The following LRRC4C variants were observed in gnomAD, a reference collection of about 807,000 sequenced individuals.
The protein encoded by LRRC4C is leucine-rich repeat-containing protein 4C.
LRRC4C carries 5 observed loss-of-function variants against 33.6 expected under a neutral mutation model. That is an observed-to-expected ratio of 0.15 (90% CI 0.08 to 0.31). LRRC4C has a LOEUF of 0.31. LRRC4C is among the 10% of genes least tolerant of loss of function. LRRC4C has a pLI of 1.00. For missense variants in LRRC4C, 560 were observed against 796.7 expected (o/e 0.70, Z 3.58); for synonymous variants, 329 against 302.0 (o/e 1.09, Z -0.93).
intron 4 of LRRC4C, among the ~76,000 whole-genome samples, chr11:40,303,328 G>A (rs1226392206): frequency 1.3e-5 from 2 of 152,112 alleles, no homozygotes; most frequent in African/African-American, 4.8e-5. Context: ...GTGTGCATGT[G>A]AGATATTCTA....
chr11:41,034,800 T>C (rs1856963728), intron 1 of LRRC4C, among the ~76,000 whole-genome samples: 1 of 149,878 alleles, frequency 6.7e-6, no homozygotes, highest in African/African-American at 2.4e-5. Context: ...AGTTTCTATA[T>C]TGGAAAAATA....
intron 2 of LRRC4C, among the ~76,000 whole-genome samples, chr11:40,751,428 C>A (rs559247439): frequency 6.6e-5 from 10 of 152,040 alleles, no homozygotes; most frequent in South Asian, 2.1e-4. Context: ...TTGAAGGATA[C>A]AAAGTTAACA....
chr11:40,517,747 A>AGG (rs1565466261), intron 3 of LRRC4C, among the ~76,000 whole-genome samples: 26 of 146,102 alleles, frequency 1.8e-4, no homozygotes, highest in Middle Eastern at 3.4e-3. Flanking sequence ...TTGGGGGGAA[A>AGG]AAAAAAAAAC....
intron 3 of LRRC4C, among the ~76,000 whole-genome samples, chr11:40,571,128 T>C (rs1026155032): frequency 1.3e-5 from 2 of 152,092 alleles, no homozygotes; most frequent in Non-Finnish European, 2.9e-5. Context: ...ATTGCATTAA[T>C]GGTAGTAATT....
At chr11:40,931,098 C>T (rs1181276894) in intron 2 of LRRC4C, among the ~76,000 whole-genome samples, 1 of 151,992 alleles carries the variant, frequency 6.6e-6, no homozygotes, top group Non-Finnish European at 1.5e-5. Flanking sequence ...AATCTCAGAC[C>T]TGGGGCAAAT....
At chr11:41,381,652 A>G (rs991453068) in intron 1 of LRRC4C, among the ~76,000 whole-genome samples, 4 of 151,324 alleles carry the variant, frequency 2.6e-5, no homozygotes, top group Admixed American at 2.6e-4. Flanking sequence ...AAAAAGAAAG[A>G]TGGAAAAAAG....
chr11:40,964,905 C>G (rs1242916189), intron 1 of LRRC4C, among the ~76,000 whole-genome samples: 1 of 152,004 alleles, frequency 6.6e-6, no homozygotes, highest in East Asian at 1.9e-4. Context: ...ATGGCTGGGT[C>G]AAATGGTATT....
At chr11:41,271,730 TG>T (rs879875968) in intron 1 of LRRC4C, among the ~76,000 whole-genome samples, 2 of 152,170 alleles carry the variant, frequency 1.3e-5, no homozygotes, top group Non-Finnish European at 2.9e-5. Flanking sequence ...GGAATTGTTT[TG>T]CTTGTCACTC....
intron 1 of LRRC4C, among the ~76,000 whole-genome samples, chr11:41,396,106 C>A (rs1383272727): frequency 1.3e-5 from 2 of 152,062 alleles, no homozygotes; most frequent in African/African-American, 4.8e-5. Context: ...AAGACAAATT[C>A]TTCTTCCAAT....
At chr11:41,419,875 A>G (rs893642323) in intron 1 of LRRC4C, among the ~76,000 whole-genome samples, 2 of 151,852 alleles carry the variant, frequency 1.3e-5, no homozygotes, top group African/African-American at 2.4e-5. Flanking sequence ...CTGCCATACT[A>G]TGAAACTCCC....
chr11:40,254,790 A>T (rs916709842), intron 4 of LRRC4C, among the ~76,000 whole-genome samples: 2 of 152,102 alleles, frequency 1.3e-5, no homozygotes, highest in African/African-American at 4.8e-5. Context: ...CAATCAAAAA[A>T]TGAGTAAGCT....
intron 1 of LRRC4C, among the ~76,000 whole-genome samples, chr11:41,055,452 T>A (rs1858549712): frequency 6.6e-6 from 1 of 152,242 alleles, no homozygotes; most frequent in African/African-American, 2.4e-5. Context: ...AGCATACAGG[T>A]AGTGTAAAAG....
At chr11:40,928,688 A>G (rs1957491421) in intron 2 of LRRC4C, among the ~76,000 whole-genome samples, 1 of 152,160 alleles carries the variant, frequency 6.6e-6, no homozygotes, top group East Asian at 1.9e-4. Flanking sequence ...TTAAATTACT[A>G]AAATCATTTA....
chr11:41,299,941 T>C (rs1395876312), intron 1 of LRRC4C, among the ~76,000 whole-genome samples: 3 of 152,100 alleles, frequency 2.0e-5, no homozygotes, highest in African/African-American at 4.8e-5. Context: ...CTGGTTCAAT[T>C]AGGTATCAGT....
chr11:40,545,107 T>C (rs1956862282), intron 3 of LRRC4C, among the ~76,000 whole-genome samples: 1 of 151,958 alleles, frequency 6.6e-6, no homozygotes, highest in South Asian at 2.1e-4. Flanking sequence ...CCTCCCATCA[T>C]CACCCAAGCA....
chr11:40,952,122 A>C (rs1958719087), intron 1 of LRRC4C, among the ~76,000 whole-genome samples: 1 of 151,964 alleles, frequency 6.6e-6, no homozygotes, highest in African/African-American at 2.4e-5. Flanking sequence ...GGCATCTTAC[A>C]AGGTGAACAT....
intron 3 of LRRC4C, among the ~76,000 whole-genome samples, chr11:40,631,631 G>A (rs1963486314): frequency 1.3e-5 from 2 of 152,094 alleles, no homozygotes; most frequent in East Asian, 3.9e-4. Flanking sequence ...CCTGACACAT[G>A]ATAGGTTGCC....
At chr11:41,183,466 G>A (rs1945546333) in intron 1 of LRRC4C, among the ~76,000 whole-genome samples, 1 of 152,166 alleles carries the variant, frequency 6.6e-6, no homozygotes, top group Admixed American at 6.5e-5. Context: ...CTGAAATCCA[G>A]CGGGTCAGTC....
intron 3 of LRRC4C, among the ~76,000 whole-genome samples, chr11:40,491,932 G>A (rs985546431): frequency 6.6e-6 from 1 of 152,120 alleles, no homozygotes; most frequent in African/African-American, 2.4e-5. Flanking sequence ...ATACCATATT[G>A]TAGCACAAGT....
Sources: gnomAD v4.1 joint callset for allele counts (sites outside exome capture counted in the v4.1 genomes callset) on GRCh38, gnomAD v4.1.1 for gene constraint, MANE v1.5 for transcripts, NCBI Gene and HGNC (gene_info 2026-07-23, HGNC 2026-07-21) for gene names.